The following GOSR2 variants were observed in gnomAD, a reference collection of about 807,000 sequenced individuals.
GOSR2 encodes golgi SNAP receptor complex member 2.
Under a neutral mutation model 27.9 loss-of-function variants are expected in GOSR2, and 20 were observed. That is an observed-to-expected ratio of 0.72 (90% CI 0.50 to 1.04). The LOEUF (loss-of-function observed/expected upper bound fraction) is 1.04. GOSR2 is among the 50% of genes least tolerant of loss of function. The pLI is 0.00. For missense variants in GOSR2, 261 were observed against 270.5 expected (o/e 0.97, Z 0.25); for synonymous variants, 91 against 98.8 (o/e 0.92, Z 0.47).
intron 2 of GOSR2, chr17:46,930,677 A>G (rs1240331838): frequency 6.3e-6 from 1 of 158,288 alleles, no homozygotes; most frequent in Non-Finnish European, 1.4e-5. Flanking sequence ...TAAAAAAAAA[A>G]AAACTCATTA....
chr17:46,927,410 G>A (rs569943901), intron 1 of GOSR2, among the ~76,000 whole-genome samples: 11 of 152,206 alleles, frequency 7.2e-5, no homozygotes, highest in Middle Eastern at 6.8e-3. Context: ...TGTGGTTTGT[G>A]GGTTTTGTGG....
In GOSR2 at chr17:46,939,138, C is replaced by A; in HGVS notation, c.*378C>A. ...TGTCCACACGGTTCACACCTTGTCA[C>A]CATCAGGCCTTTCTGGCTCCTGATA... On this transcript the variant is annotated 3_prime_UTR_variant, in exon 6 of 6. Transcript: ENST00000640051. The A allele has an allele frequency of 8.9e-7, 1 of 1,124,008 alleles. No individual in the cohort carries two copies. Among genetic ancestry groups the A allele is most frequent in the East Asian group, 6.0e-5 (1 of 16,546 alleles). 69.6% of individuals were successfully genotyped at this position (1,124,008 alleles called of 1,614,324 possible).
At chr17:46,944,049 CTG>C (rs1457779907), downstream of GOSR2, among the ~76,000 whole-genome samples, 5 of 152,284 alleles carry the variant, frequency 3.3e-5, no homozygotes, top group East Asian at 9.7e-4. Flanking sequence ...TTCCAGGCAT[CTG>C]TGACATGGTG....
At chr17:46,926,322 T>C (rs896819464) in intron 1 of GOSR2, among the ~76,000 whole-genome samples, 9 of 152,196 alleles carry the variant, frequency 5.9e-5, no homozygotes, top group African/African-American at 2.2e-4. Context: ...AGCGTTTTCA[T>C]GTTCATCATG....
At chr17:46,938,278 A>G (rs2088746636) in intron 5 of GOSR2, among the ~76,000 whole-genome samples, 1 of 152,164 alleles carries the variant, frequency 6.6e-6, no homozygotes, top group East Asian at 1.9e-4. Context: ...TATAATGTGA[A>G]TTGAGGTTCA....
Position 46,929,597 on chromosome 17 carries a change from CTG to C in GOSR2, c.94+16_94+17del, listed in dbSNP as rs780992578. On this transcript the variant is annotated intron_variant, in intron 2 of 5. Transcript: ENST00000640051. ...CAGTCTGTGCACAGTGAGTAATTAA[CTG>C]TGGAGACCAGAGTCCTTTCTCTGAT... The C allele has an allele frequency of 6.0e-6, 8 of 1,335,754 alleles. No individual in the cohort carries two copies. Among genetic ancestry groups the C allele is most frequent in the Non-Finnish European group, 8.6e-6 (8 of 925,454 alleles). The allele number at this position is 1,335,754 out of a possible 1,614,324, so 82.7% of individuals were successfully genotyped here.
At chr17:46,931,819 A>G (rs1374799652) in intron 3 of GOSR2, 1 of 562,388 alleles carries the variant, frequency 1.8e-6, no homozygotes, top group Non-Finnish European at 3.2e-6. Flanking sequence ...ATGCATCCAG[A>G]ATCAGAGCAA....
At position 46,938,694 on chromosome 17, in the gene GOSR2, C is replaced by T. The variant is rs2088822560; in HGVS notation, c.573C>T (p.Tyr191=). 6.2e-7 allele frequency: 1 copy of T among 1,613,706 alleles called. No individual in the cohort carries two copies. The highest frequency in any genetic ancestry group is 1.1e-5 in the South Asian group (1 of 91,046). ...LIEKRAFQDK[Y]FMIGGMLLTC... ...AGAAGCGGGCTTTCCAGGACAAGTA[C>T]TTTATGATAGGTGGGATGCTGCTGA... The change falls in exon 6 of 6, where the codon TAC becomes TAT. Residue 191 remains tyrosine (Y), a synonymous_variant. Coordinates refer to ENST00000640051, the MANE Select transcript of GOSR2 (RefSeq NM_004287.5).
In GOSR2 at chr17:46,941,266, G is replaced by A. The variant is rs2089243159; in HGVS notation, c.*2506G>A. On this transcript the variant is annotated 3_prime_UTR_variant, in exon 6 of 6. Transcript: ENST00000640051. ...CGGAGTTCTGTACACCCTTTGCCCTGATGAATTTGAATGGGTTTGATTTGC... is the reference window on the plus strand; with the variant it reads ...CGGAGTTCTGTACACCCTTTGCCCTAATGAATTTGAATGGGTTTGATTTGC... 2.0e-6 allele frequency: 2 copies of A among 986,464 alleles called. No homozygotes were observed. The highest frequency in any genetic ancestry group is 1.2e-6 in the Non-Finnish European group (1 of 830,600). 61.1% of individuals were successfully genotyped at this position (986,464 alleles called of 1,614,324 possible). A position where few individuals can be genotyped will look rare whatever the true frequency, so the allele number is the denominator to read the frequency against.
downstream of GOSR2, chr17:46,942,047 A>T (rs76393806): frequency 0.059 from 40,502 of 684,240 alleles, 1,354 homozygotes; most frequent in Admixed American, 0.13. Flanking sequence ...ATTTGAGGAG[A>T]CTTTGAGGAA....
intron 6 of GOSR2, among the ~76,000 whole-genome samples, chr17:46,954,553 T>A (rs1180818054): frequency 6.6e-6 from 1 of 152,238 alleles, no homozygotes; most frequent in African/African-American, 2.4e-5. Context: ...TTTTTTCCAA[T>A]TCTGTGAAGA....
Position 46,941,225 on chromosome 17 carries a change from T to A in GOSR2, c.*2465T>A, listed in dbSNP as rs543252765. On this transcript the variant is annotated 3_prime_UTR_variant, in exon 6 of 6. Transcript: ENST00000640051. ...CCAAGTAAGTTAGAGGAGTCTTGATTTTTTAGACTTCACTGCGGAGTTCTG... is the reference window on the plus strand; with the variant it reads ...CCAAGTAAGTTAGAGGAGTCTTGATATTTTAGACTTCACTGCGGAGTTCTG... The A allele has an allele frequency of 2.0e-6, 2 of 996,238 alleles. No individual in the cohort carries two copies. Among genetic ancestry groups the A allele is most frequent in the Non-Finnish European group, 2.4e-6 (2 of 835,174 alleles). 61.7% of individuals were successfully genotyped at this position (996,238 alleles called of 1,614,324 possible).
At position 46,938,631 on chromosome 17, in the gene GOSR2, C is replaced by T; in HGVS notation, c.510C>T (p.Asn170=). Residue 170 remains asparagine, a synonymous_variant, in exon 6 of 6, where the codon AAC becomes AAT. Transcript: ENST00000640051. ...AGAAGAAGATCCTTGACATTGCCAA[C>T]ATGCTGGGCTTGTCCAACACAGTGA... ...GTQKKILDIA[N]MLGLSNTVMR... is the part of the protein sequence containing the mutation. 6.2e-7 allele frequency: 1 copy of T among 1,614,102 alleles called. No individual in the cohort carries two copies. Among genetic ancestry groups the T allele is most frequent in the Non-Finnish European group, 8.5e-7 (1 of 1,179,982 alleles).
At chr17:46,957,304 C>T (rs2090781271) in intron 6 of GOSR2, among the ~76,000 whole-genome samples, 1 of 151,868 alleles carries the variant, frequency 6.6e-6, no homozygotes, top group South Asian at 2.1e-4. Context: ...GACCCTGCCT[C>T]AAAAAGAAAA....
chr17:46,954,746 C>T (rs1285764655), intron 6 of GOSR2, among the ~76,000 whole-genome samples: 1 of 152,170 alleles, frequency 6.6e-6, no homozygotes, highest in Non-Finnish European at 1.5e-5. Flanking sequence ...CTTCACATCC[C>T]TTGTAAATTG....
chr17:46,962,910 A>G (rs1336302060), intron 6 of GOSR2, among the ~76,000 whole-genome samples: 1 of 152,210 alleles, frequency 6.6e-6, no homozygotes, highest in South Asian at 2.1e-4. Context: ...CTAACTCATC[A>G]TTTTCATCAA....
chr17:46,926,736 G>A (rs2086557960), intron 1 of GOSR2, among the ~76,000 whole-genome samples: 1 of 152,186 alleles, frequency 6.6e-6, no homozygotes, highest in Admixed American at 6.5e-5. Context: ...TCATATTTAT[G>A]TTTTCTTAGC....
rs768422581 is a variant in GOSR2, at chr17:46,940,594, G to T, written c.*1834G>T. ...TGCCAGACAGCACACTTTGGAGGAA[G>T]GTCTGCAGGGAGCAGCTGAGCCATT... is the stretch of plus-strand genomic sequence containing the variant. On this transcript the variant is annotated 3_prime_UTR_variant, in exon 6 of 6. Transcript: ENST00000640051. 21 of 1,614,082 alleles carry T rather than the reference G, an allele frequency of 1.3e-5. No homozygotes were observed. Among genetic ancestry groups the T allele is most frequent in the Non-Finnish European group, 1.8e-5 (21 of 1,180,046 alleles).
intron 2 of GOSR2, chr17:46,930,344 GCA>G (rs566498625): frequency 2.6e-5 from 4 of 152,288 alleles, no homozygotes; most frequent in Non-Finnish European, 5.9e-5. Flanking sequence ...TTTCTTTTGT[GCA>G]CAGTTTAGCT....
Sources: allele counts gnomAD v4.1 joint callset (sites outside exome capture counted in the v4.1 genomes callset), GRCh38; gene constraint gnomAD v4.1.1; transcripts MANE v1.5; gene names NCBI Gene and HGNC (gene_info 2026-07-23, HGNC 2026-07-21).